The following FOCAD variants were observed in gnomAD, a reference collection of about 807,000 sequenced individuals.
The protein encoded by FOCAD is focadhesin, also known as KIAA1797.
A neutral mutation model predicts 225.6 loss-of-function variants in FOCAD; 198 were observed. The ratio of observed to expected loss-of-function variants is 0.88; its 90% CI spans 0.78 to 0.99. FOCAD has a LOEUF of 0.99. Among genes scored for constraint, FOCAD ranks in the 50% least tolerant of loss-of-function variants. The pLI, the probability that FOCAD is intolerant of heterozygous loss-of-function variation, is 0.00. For synonymous variants in FOCAD, 897 were observed against 755.0 expected (o/e 1.19, Z -3.08); for missense variants, 2,713 against 2,123.6 (o/e 1.28, Z -5.46).
chr9:20,878,952 T>G (rs750341692), intron 19 of FOCAD, among the ~76,000 whole-genome samples: 15 of 152,164 alleles, frequency 9.9e-5, no homozygotes, highest in Non-Finnish European at 1.5e-4. Flanking sequence ...CCAGCTCTCA[T>G]AGAGAGTTCA....
At chr9:20,972,087 T>C (rs1839817577) in intron 35 of FOCAD, among the ~76,000 whole-genome samples, 1 of 152,172 alleles carries the variant, frequency 6.6e-6, no homozygotes, top group Non-Finnish European at 1.5e-5. Flanking sequence ...ATGATCTTGC[T>C]TTCAATTTCT....
At chr9:20,968,156 T>C (rs184080322) in intron 35 of FOCAD, among the ~76,000 whole-genome samples, 1 of 152,258 alleles carries the variant, frequency 6.6e-6, no homozygotes, top group African/African-American at 2.4e-5. Flanking sequence ...TGTTAAACTT[T>C]CTATGCATTC....
intron 4 of FOCAD, among the ~76,000 whole-genome samples, chr9:20,728,446 T>G (rs1826396281): frequency 6.6e-6 from 1 of 152,220 alleles, no homozygotes; most frequent in East Asian, 1.9e-4. Context: ...GCCTGTCACA[T>G]GGCTTCAGGT....
chr9:20,683,754 G>C (rs2131306334), upstream of FOCAD: 1 of 152,432 alleles, frequency 6.6e-6, no homozygotes, highest in South Asian at 2.1e-4. Context: ...AAGACACCAA[G>C]TAGCTATTAG....
rs143382310 is a variant in FOCAD at position 20,716,064 on chromosome 9, A to C, written c.57+654A>C. The C allele has an allele frequency of 8.0e-4, 351 of 440,146 alleles. 1 individual carries two copies. The highest frequency in any genetic ancestry group is 6.0e-3 in the African/African-American group (306 of 51,318). 27.3% of individuals were successfully genotyped at this position (440,146 alleles called of 1,614,324 possible). On this transcript the variant is annotated intron_variant, in intron 2 of 43. Coordinates refer to ENST00000338382, the MANE Select transcript of FOCAD (RefSeq NM_001375567.1). ...GACTTAACAACATACAGCACCTTGG[A>C]TACTTTCAACAATTAACTTCGGAGA...
Position 20,993,255 on chromosome 9 carries a change from C to T in FOCAD, c.5259C>T (p.Phe1753=). The change falls in exon 43 of 44, where the codon TTC becomes TTT. Residue 1753 remains phenylalanine, a splice_region_variant and synonymous_variant. Transcript: ENST00000338382. ...KEPWKEQTQK[F]IDWLFSIMES... ...ACTATTTTTCATTTTTACCCTAGTT[C>T]ATTGACTGGCTATTCAGCATCATGG... is the stretch of plus-strand genomic sequence containing the variant. 6.2e-7 allele frequency: 1 copy of T among 1,613,164 alleles called. No individual in the cohort carries two copies. Among genetic ancestry groups the T allele is most frequent in the South Asian group, 1.1e-5 (1 of 91,066 alleles).
chr9:20,737,572 G>A, intron 4 of FOCAD, among the ~76,000 whole-genome samples: 1 of 152,166 alleles, frequency 6.6e-6, no homozygotes, highest in Non-Finnish European at 1.5e-5. Context: ...CTGATTTTCA[G>A]TTGTATAGAC....
chr9:20,919,267 G>A (rs933189377), intron 24 of FOCAD, among the ~76,000 whole-genome samples: 1 of 152,130 alleles, frequency 6.6e-6, no homozygotes, highest in African/African-American at 2.4e-5. Flanking sequence ...GGGACGTGAA[G>A]GACCTCTTCA....
At chr9:20,925,544 A>C (rs1834856744) in intron 25 of FOCAD, among the ~76,000 whole-genome samples, 1 of 152,210 alleles carries the variant, frequency 6.6e-6, no homozygotes, top group Admixed American at 6.5e-5. Context: ...TGAAACTTTC[A>C]AACATTATTC....
chr9:20,663,365 A>G (rs753272149), intron 2 of FOCAD, among the ~76,000 whole-genome samples: 1 of 152,158 alleles, frequency 6.6e-6, no homozygotes, highest in Non-Finnish European at 1.5e-5. Flanking sequence ...TGAAAAAACA[A>G]GCAAGCAAAC....
At chr9:20,846,555 A>T (rs939531430) in intron 15 of FOCAD, among the ~76,000 whole-genome samples, 1 of 152,112 alleles carries the variant, frequency 6.6e-6, no homozygotes, top group African/African-American at 2.4e-5. Flanking sequence ...GCCTTCTTCA[A>T]ACAATATTAT....
chr9:20,669,755 A>G (rs1822000732), intron 2 of FOCAD, among the ~76,000 whole-genome samples: 1 of 152,202 alleles, frequency 6.6e-6, no homozygotes, highest in African/African-American at 2.4e-5. Flanking sequence ...AGCCTGGGTG[A>G]CAGAGCAAGA....
intron 28 of FOCAD, among the ~76,000 whole-genome samples, chr9:20,942,208 C>T (rs7847350): frequency 0.96 from 145,576 of 152,260 alleles, 69,925 homozygotes; most frequent in East Asian, 1. Context: ...TAACGTTGCT[C>T]AGGTTATAGT....
chr9:20,946,851 T>C, intron 30 of FOCAD, 31 bp downstream of exon 30: 1 of 1,610,276 alleles, frequency 6.2e-7, no homozygotes, highest in East Asian at 2.2e-5. Flanking sequence ...TATTTCTCTC[T>C]GTGGGTCTCA....
intron 41 of FOCAD, among the ~76,000 whole-genome samples, chr9:20,989,179 C>T (rs1841442756): frequency 6.6e-6 from 1 of 152,012 alleles, no homozygotes; most frequent in African/African-American, 2.4e-5. Context: ...ATTTGCATAA[C>T]CTGGGATGTT....
chr9:20,820,916 C>CT lies in FOCAD; in HGVS notation c.1663-19dup, dbSNP rs140233262. ...TATTCAACTCAAGTTGGGAAACTAC[C>CT]TTTTTTGTAAAATTGCCTTCGTAGG... is the stretch of plus-strand genomic sequence containing the variant. On this transcript the variant is annotated intron_variant, in intron 13 of 43. Coordinates refer to ENST00000338382, the MANE Select transcript of FOCAD (RefSeq NM_001375567.1). The CT allele has an allele frequency of 7.5e-4, 1,194 of 1,601,820 alleles. 6 individuals carry two copies. The African/African-American group carries it at 0.014, about 19-fold the overall frequency.
intron 1 of FOCAD, among the ~76,000 whole-genome samples, chr9:20,689,120 A>G (rs1271239033): frequency 6.6e-6 from 1 of 152,228 alleles, no homozygotes; most frequent in African/African-American, 2.4e-5. Context: ...GATGAAGTAA[A>G]TATACAAGTG....
In FOCAD at chr9:20,717,330, C is replaced by G. The variant is rs376567734; in HGVS notation, c.58-464C>G. On this transcript the variant is annotated intron_variant, in intron 2 of 43. Coordinates refer to ENST00000338382, the MANE Select transcript of FOCAD (RefSeq NM_001375567.1). ...TAGCAATAGTGAAGTAGTTTCCAAC[C>G]CGTACACAGAATGGCAATGATTGTT... is the stretch of plus-strand genomic sequence containing the variant. 7.2e-5 allele frequency among the ~76,000 whole-genome samples: 11 copies of G among 152,284 alleles called. No homozygotes were observed. The East Asian group carries it at 1.2e-3, about 16-fold the overall frequency.
Position 20,777,503 on chromosome 9 carries a change from C to T in FOCAD, c.907-1178C>T, listed in dbSNP as rs115408633. 5.0e-3 allele frequency among the ~76,000 whole-genome samples: 755 copies of T among 152,066 alleles called. 3 individuals carry two copies. Among genetic ancestry groups the T allele is most frequent in the African/African-American group, 0.017 (719 of 41,480 alleles). ...TTAATATTTATTAAAACCTAATATA[C>T]ACATCTTTTTTTCATTTTGTTTATA... On this transcript the variant is annotated intron_variant, in intron 8 of 43. Coordinates refer to ENST00000338382, the MANE Select transcript of FOCAD (RefSeq NM_001375567.1).
Sources: allele counts gnomAD v4.1 joint callset (sites outside exome capture counted in the v4.1 genomes callset), GRCh38; gene constraint gnomAD v4.1.1; transcripts MANE v1.5; gene names NCBI Gene and HGNC (gene_info 2026-07-23, HGNC 2026-07-21).